DDAH1: variants seen among roughly 807,000 people sequenced by gnomAD.
DDAH1 encodes N(G),N(G)-dimethylarginine dimethylaminohydrolase 1.
DDAH1 carries 19 observed loss-of-function variants against 28.8 expected under a neutral mutation model. That is an observed-to-expected ratio of 0.66 (90% CI 0.46 to 0.97). DDAH1 has a LOEUF of 0.97. DDAH1 is among the 50% of genes least tolerant of loss of function. The probability of loss-of-function intolerance (pLI) is 0.00; values close to 1 mark genes in which losing one functional copy is unlikely to be tolerated. For missense variants in DDAH1, 326 were observed against 375.9 expected (o/e 0.87, Z 1.10); for synonymous variants, 153 against 154.4 (o/e 0.99, Z 0.07).
intron 1 of DDAH1, among the ~76,000 whole-genome samples, chr1:85,421,039 GA>G (rs1337101856): frequency 3.3e-5 from 5 of 152,156 alleles, no homozygotes; most frequent in African/African-American, 9.7e-5. Flanking sequence ...AAAAGAGAGG[GA>G]GGGGGAGGTG....
intron 1 of DDAH1, among the ~76,000 whole-genome samples, chr1:85,552,285 A>G (rs915113765): frequency 5.9e-5 from 9 of 152,162 alleles, no homozygotes; most frequent in African/African-American, 2.2e-4. Flanking sequence ...TCACTTCTCC[A>G]GTGCATCTTC....
chr1:85,502,809 C>T (rs1656866772), intron 1 of DDAH1, among the ~76,000 whole-genome samples: 1 of 152,148 alleles, frequency 6.6e-6, no homozygotes, highest in African/African-American at 2.4e-5. Context: ...AGAGATAGCC[C>T]TGCCTCTCCT....
exon 1 of DDAH1, chr1:85,578,144 T>C (rs1659664286): frequency 4.0e-6 from 1 of 248,564 alleles, no homozygotes; most frequent in African/African-American, 2.3e-5. Flanking sequence ...CGTCGATTAC[T>C]AGCAGGCGCA....
At chr1:85,432,842 G>T (rs992877743) in intron 1 of DDAH1, among the ~76,000 whole-genome samples, 12 of 152,180 alleles carry the variant, frequency 7.9e-5, no homozygotes, top group African/African-American at 2.7e-4. Context: ...TGAAGGCATA[G>T]CATGGTGAAA....
chr1:85,408,183 C>G (rs1267823924), intron 1 of DDAH1, among the ~76,000 whole-genome samples: 1 of 152,106 alleles, frequency 6.6e-6, no homozygotes, highest in Non-Finnish European at 1.5e-5. Flanking sequence ...TTCTTTTGCC[C>G]TTCACAAATG....
chr1:85,334,707 A>G (rs1647998965), intron 4 of DDAH1, among the ~76,000 whole-genome samples: 1 of 152,230 alleles, frequency 6.6e-6, no homozygotes, highest in African/African-American at 2.4e-5. Context: ...CAACCTGCAG[A>G]ATTGTGAGTC....
intron 1 of DDAH1, among the ~76,000 whole-genome samples, chr1:85,403,244 T>TAC (rs4001155): frequency 0.8 from 119,795 of 150,134 alleles, 47,935 homozygotes; most frequent in Middle Eastern, 0.88. Context: ...TGTGTATATA[T>TAC]ACACACACAC....
At chr1:85,547,342 T>C (rs1452791648) in intron 1 of DDAH1, among the ~76,000 whole-genome samples, 1 of 152,148 alleles carries the variant, frequency 6.6e-6, no homozygotes, top group East Asian at 1.9e-4. Flanking sequence ...AATCATCCAT[T>C]TTACAGATAT....
intron 1 of DDAH1, among the ~76,000 whole-genome samples, chr1:85,384,910 A>T (rs1303342270): frequency 6.6e-6 from 1 of 152,228 alleles, no homozygotes; most frequent in Non-Finnish European, 1.5e-5. Context: ...ATTTATTTAC[A>T]TGTTACTTAA....
chr1:85,523,797 C>T (rs1366257154), intron 1 of DDAH1, among the ~76,000 whole-genome samples: 3 of 152,128 alleles, frequency 2.0e-5, no homozygotes, highest in Non-Finnish European at 4.4e-5. Flanking sequence ...ACAAGCATGT[C>T]ATTTATAGGA....
intron 1 of DDAH1, among the ~76,000 whole-genome samples, chr1:85,405,525 T>C (rs1652362446): frequency 6.6e-6 from 1 of 152,056 alleles, no homozygotes; most frequent in Admixed American, 6.6e-5. Flanking sequence ...TCTTAAAAAG[T>C]CGTGGTCTGG....
chr1:85,550,748 AAC>A (rs138890092), intron 1 of DDAH1, among the ~76,000 whole-genome samples: 8 of 150,574 alleles, frequency 5.3e-5, no homozygotes, highest in Admixed American at 6.6e-5. Context: ...AATAATAAAA[AAC>A]ACACACACAC....
intron 4 of DDAH1, among the ~76,000 whole-genome samples, chr1:85,325,422 T>C (rs960086829): frequency 6.0e-4 from 91 of 152,074 alleles, no homozygotes; most frequent in Non-Finnish European, 2.9e-4. Flanking sequence ...CACCTGTTCA[T>C]TGGCAGGTGA....
chr1:85,455,868 C>T (rs1654859597), intron 1 of DDAH1, among the ~76,000 whole-genome samples: 1 of 152,162 alleles, frequency 6.6e-6, no homozygotes, highest in African/African-American at 2.4e-5. Flanking sequence ...AATTCAACTG[C>T]ATCTCATAAT....
chr1:85,464,747 T>C lies in DDAH1; in HGVS notation c.299A>G (p.Lys100Arg). 1 of 1,539,262 alleles carries C rather than the reference T, an allele frequency of 6.5e-7. No individual in the cohort carries two copies. Among genetic ancestry groups the C allele is most frequent in the Non-Finnish European group, 8.7e-7 (1 of 1,149,098 alleles). ...GCCCCTCGAGTCGGCAGTTACCTCC[T>C]TCCTCCGGCTCGGCGCCCCGGGTCG... The part of the protein sequence containing the change: ...ITRPGAPSRR[K>R]EVDMMKEALE... Residue 100 changes from lysine (K) to arginine (R), a missense_variant, in exon 1 of 6, where the codon AAG (lysine) becomes AGG (arginine). Coordinates refer to ENST00000284031, the MANE Select transcript of DDAH1 (RefSeq NM_012137.4). This position sits in a 1 kb window ranked among gnomAD's most constrained non-coding sequence, Gnocchi z 4.4.
rs1417454541 is a variant in DDAH1, at chr1:85,320,050, G to A, written c.*1402C>T. The A allele has an allele frequency of 6.6e-6, 1 of 152,216 alleles. No homozygotes were observed. Among genetic ancestry groups the A allele is most frequent in the Admixed American group, 6.5e-5 (1 of 15,286 alleles). 9.4% of individuals were successfully genotyped at this position (152,216 alleles called of 1,614,324 possible). The stretch of plus-strand genomic sequence containing the variant: ...CAGGCAATACAGGAAAGGTGGAGAT[G>A]ACTAGGAAGTGTGATAATGTGCCTG... On this transcript the variant is annotated 3_prime_UTR_variant, in exon 6 of 6. Transcript: ENST00000284031.
chr1:85,439,936 T>A (rs1654116905), intron 1 of DDAH1, among the ~76,000 whole-genome samples: 1 of 152,202 alleles, frequency 6.6e-6, no homozygotes, highest in South Asian at 2.1e-4. Context: ...CTAAAACAGT[T>A]CAGATAGTAG....
chr1:85,446,055 T>C (rs1195669210), intron 1 of DDAH1, among the ~76,000 whole-genome samples: 1 of 152,180 alleles, frequency 6.6e-6, no homozygotes, highest in African/African-American at 2.4e-5. Flanking sequence ...TGTCTGACTG[T>C]GGCATGTCAG....
chr1:85,331,211 G>T (rs774666436), intron 4 of DDAH1, among the ~76,000 whole-genome samples: 1 of 152,162 alleles, frequency 6.6e-6, no homozygotes, highest in Non-Finnish European at 1.5e-5. Context: ...ACGACTGAAA[G>T]CCCACTCCAT....
Sources: gnomAD v4.1 joint callset for allele counts (sites outside exome capture counted in the v4.1 genomes callset) on GRCh38, gnomAD v4.1.1 for gene constraint, Gnocchi (gnomAD v3.1) non-coding constraint, MANE v1.5 for transcripts, NCBI Gene and HGNC (gene_info 2026-07-23, HGNC 2026-07-21) for gene names.